The following NTRK1 variants were observed in gnomAD, a reference collection of about 807,000 sequenced individuals.
NTRK1 encodes the protein high affinity nerve growth factor receptor.
A neutral mutation model predicts 86.8 loss-of-function variants in NTRK1; 62 were observed. The observed-to-expected ratio is 0.71, with a 90% confidence interval of 0.58 to 0.88. NTRK1 has a LOEUF of 0.88. NTRK1 is among the 40% of genes least tolerant of loss of function. NTRK1 has a pLI of 0.00. For synonymous variants in NTRK1, 469 were observed against 456.6 expected (o/e 1.03, Z -0.35); for missense variants, 967 against 1,078.4 (o/e 0.90, Z 1.45).
chr1:156,864,456 G>A lies in NTRK1; in HGVS notation c.287+28G>A, dbSNP rs755327670. On this transcript the variant is annotated intron_variant, in intron 2 of 16. Coordinates refer to ENST00000524377, the MANE Select transcript of NTRK1 (RefSeq NM_002529.4). ...GAGGGAAACGGGGACTGTGGGTGTG[G>A]AGCTCAGCATGGGCCTGGGGGAGAC... 2.1e-5 allele frequency: 33 copies of A among 1,609,276 alleles called. No individual in the cohort carries two copies. The South Asian group carries it at 3.5e-4, about 17-fold the overall frequency.
At chr1:156,838,124 G>A (rs573533825) in intron 1 of NTRK1, among the ~76,000 whole-genome samples, 19 of 151,908 alleles carry the variant, frequency 1.3e-4, no homozygotes, top group South Asian at 4.2e-4. Flanking sequence ...ACTTGACTTC[G>A]GACCATTTCC....
chr1:156,878,492 T>C (rs1477619154), intron 14 of NTRK1, among the ~76,000 whole-genome samples: 1 of 152,130 alleles, frequency 6.6e-6, no homozygotes, highest in African/African-American at 2.4e-5. Context: ...ACTAAACAAA[T>C]GAGGAGAAGA....
In NTRK1 at chr1:156,879,300, C is replaced by T. The variant is rs373575086; in HGVS notation, c.1984C>T (p.Leu662=). The change falls in exon 15 of 17, where the codon CTG becomes TTG. Residue 662 remains leucine, a synonymous_variant. Coordinates refer to ENST00000524377, the MANE Select transcript of NTRK1 (RefSeq NM_002529.4). Reference sequence around the variant, plus strand: ...ACGCAACTGTCTAGTGGGCCAGGGACTGGTGGTCAAGATTGGTGATTTTGG... The same window carrying T: ...ACGCAACTGTCTAGTGGGCCAGGGATTGGTGGTCAAGATTGGTGATTTTGG... ...ATRNCLVGQG[L]VVKIGDFGMS... The T allele has an allele frequency of 9.3e-6, 15 of 1,613,156 alleles. No homozygotes were observed. The highest frequency in any genetic ancestry group is 1.3e-5 in the African/African-American group (1 of 74,912).
chr1:156,830,112 T>C (rs576547997), intron 1 of NTRK1, among the ~76,000 whole-genome samples: 4 of 152,374 alleles, frequency 2.6e-5, no homozygotes, highest in African/African-American at 9.6e-5. Context: ...GTGGCTCCGC[T>C]CTGCAAGGCC....
intron 7 of NTRK1, 119 bp downstream of exon 7, chr1:156,871,874 T>A (rs1647577816): frequency 7.3e-7 from 1 of 1,365,090 alleles, no homozygotes; most frequent in Admixed American, 1.8e-5. Context: ...AGCTGCTCCC[T>A]CCCAGCTGTT....
chr1:156,874,605 G>A lies in NTRK1; in HGVS notation c.1230G>A (p.Lys410=), dbSNP rs2102910138. 6.2e-7 allele frequency: 1 copy of A among 1,614,142 alleles called. No individual in the cohort carries two copies. The highest frequency in any genetic ancestry group is 8.5e-7 in the Non-Finnish European group (1 of 1,179,996). The change falls in exon 10 of 17, where the codon AAG becomes AAA. Residue 410 remains lysine (K), a synonymous_variant. Coordinates refer to ENST00000524377, the MANE Select transcript of NTRK1 (RefSeq NM_002529.4). ...TNSTSGDPVE[K]KDETPFGVSV... ...GCACATCTGGAGACCCGGTGGAGAA[G>A]AAGGACGAAACACCTTTTGGGGTGA...
chr1:156,848,423 C>T (rs1161512381), intron 2 of NTRK1, among the ~76,000 whole-genome samples: 1 of 152,178 alleles, frequency 6.6e-6, no homozygotes, highest in African/African-American at 2.4e-5. Context: ...GAAGTCTTTC[C>T]TGTGGTCTAA....
At chr1:156,836,204 T>C (rs1300080194) in intron 1 of NTRK1, among the ~76,000 whole-genome samples, 3 of 152,012 alleles carry the variant, frequency 2.0e-5, no homozygotes, top group Non-Finnish European at 2.9e-5. Flanking sequence ...TCTCCAGAAA[T>C]GACTGAGCAG....
In NTRK1 at chr1:156,836,046, C is replaced by T. The variant is rs189873662; in HGVS notation, c.-63-6035C>T. On this transcript the variant is annotated intron_variant, in intron 1 of 16. Transcript: ENST00000392302. ...TCAGAATTTCCTCCTGGCTGCCACC[C>T]TTGTCTTCTCTGCTTCATCTGTCCT... Among the ~76,000 whole-genome samples the T allele has an allele frequency of 5.9e-5, 9 of 152,328 alleles. No homozygotes were observed. In the East Asian group the frequency reaches 1.7e-3, roughly 29 times the overall value.
At chr1:156,839,388 C>A (rs961613362) in intron 1 of NTRK1, among the ~76,000 whole-genome samples, 1 of 152,264 alleles carries the variant, frequency 6.6e-6, no homozygotes, top group Non-Finnish European at 1.5e-5. Flanking sequence ...GAGCCTTGGG[C>A]AGCCCCTCCC....
chr1:156,841,200 G>A (rs1654767118), intron 1 of NTRK1: 14 of 1,076,954 alleles, frequency 1.3e-5, no homozygotes, highest in Admixed American at 4.1e-5. Flanking sequence ...AGTGGGGATC[G>A]TGGGCCATTA....
In NTRK1 at chr1:156,875,683, G is replaced by C; in HGVS notation, c.1501+17G>C. The C allele has an allele frequency of 6.2e-7, 1 of 1,606,038 alleles. No individual in the cohort carries two copies. The highest frequency in any genetic ancestry group is 1.1e-5 in the South Asian group (1 of 90,752). ...GTGATGCCTGTGAGGGGCTATGCTG[G>C]GTCAAGGGCAGGGACGAGTGTGTGT... On this transcript the variant is annotated intron_variant, in intron 12 of 16. Transcript: ENST00000524377.
intron 2 of NTRK1, chr1:156,853,900 G>C: frequency 6.2e-7 from 1 of 1,614,118 alleles, no homozygotes; most frequent in Non-Finnish European, 8.5e-7. Flanking sequence ...TGTGGTTGGC[G>C]CCAGGTGCTG....
chr1:156,840,884 G>A (rs1654750199), intron 1 of NTRK1: 1 of 1,612,830 alleles, frequency 6.2e-7, no homozygotes, highest in East Asian at 2.2e-5. Context: ...CAGTGCCCTG[G>A]ACCCCCATTT....
intron 2 of NTRK1, chr1:156,843,585 C>A: frequency 1.7e-6 from 2 of 1,184,810 alleles, no homozygotes; most frequent in Non-Finnish European, 2.5e-6. Context: ...AGTTACTGAC[C>A]ACACCCCCAG....
chr1:156,866,316 T>A (rs1655925093), intron 3 of NTRK1, among the ~76,000 whole-genome samples: 1 of 152,192 alleles, frequency 6.6e-6, no homozygotes, highest in African/African-American at 2.4e-5. Context: ...CTGTGTGGCC[T>A]GGAGCCGGGC....
At chr1:156,829,737 C>T (rs750107430) in intron 1 of NTRK1, among the ~76,000 whole-genome samples, 4 of 152,180 alleles carry the variant, frequency 2.6e-5, no homozygotes, top group South Asian at 2.1e-4. Context: ...ACGCAACCTC[C>T]GCCTCCTGGG....
upstream of NTRK1, chr1:156,860,835 T>A: frequency 7.4e-7 from 1 of 1,345,320 alleles, no homozygotes; most frequent in East Asian, 3.1e-5. Context: ...GGCGGCTGGG[T>A]CTTTAACACC....
intron 1 of NTRK1, chr1:156,841,479 A>T (rs752548626): frequency 6.2e-6 from 10 of 1,613,852 alleles, no homozygotes; most frequent in South Asian, 1.1e-5. Context: ...AGGCCCTGGT[A>T]GGGTTGTTCT....
Sources: gnomAD v4.1 joint callset for allele counts (sites outside exome capture counted in the v4.1 genomes callset) on GRCh38, gnomAD v4.1.1 for gene constraint, MANE v1.5 for transcripts, NCBI Gene and HGNC (gene_info 2026-07-23, HGNC 2026-07-21) for gene names.